The following TRIP12 variants were observed in gnomAD, a reference collection of about 807,000 sequenced individuals.
The protein encoded by TRIP12 is E3 ubiquitin-protein ligase TRIP12.
TRIP12 carries 25 observed loss-of-function variants against 244.2 expected under a neutral mutation model. The observed-to-expected ratio is 0.10, with a 90% CI of 0.07 to 0.14. The LOEUF (loss-of-function observed/expected upper bound fraction) is 0.14. TRIP12 is among the 10% of genes least tolerant of loss of function. The pLI, the probability that TRIP12 is intolerant of heterozygous loss-of-function variation, is 1.00. For synonymous variants in TRIP12, 905 were observed against 873.1 expected (o/e 1.04, Z -0.64); for missense variants, 1,677 against 2,486.4 (o/e 0.67, Z 6.92).
At chr2:229,798,675 C>A (rs575670165) in intron 23 of TRIP12, among the ~76,000 whole-genome samples, 200 bp downstream of exon 23, 1 of 152,194 alleles carries the variant, frequency 6.6e-6, no homozygotes, top group African/African-American at 2.4e-5. Flanking sequence ...AGTTTCAAAG[C>A]ACATGACTGG....
At chr2:229,902,991 C>T (rs963235944) in intron 1 of TRIP12, among the ~76,000 whole-genome samples, 6 of 123,190 alleles carry the variant, frequency 4.9e-5, no homozygotes, top group African/African-American at 9.9e-5. Flanking sequence ...TTACTGTGTG[C>T]GGGTTTTTTT....
intron 4 of TRIP12, among the ~76,000 whole-genome samples, chr2:229,846,148 C>T (rs754493523): frequency 6.6e-6 from 1 of 151,796 alleles, no homozygotes; most frequent in Non-Finnish European, 1.5e-5. Context: ...AGTGATAAAG[C>T]AGCAGCAGCA....
intron 2 of TRIP12, among the ~76,000 whole-genome samples, chr2:229,869,357 A>C (rs2062115302): frequency 6.6e-6 from 1 of 152,232 alleles, no homozygotes; most frequent in Admixed American, 6.5e-5. Flanking sequence ...GCAAATTAAC[A>C]CAATACACGC....
intron 31 of TRIP12, 99 bp from the exon 32 acceptor site, chr2:229,789,039 T>C (rs567946055): frequency 1.3e-5 from 14 of 1,098,970 alleles, no homozygotes; most frequent in South Asian, 4.8e-5. Context: ...CAAAGTACCC[T>C]GAATTCACGT....
chr2:229,805,852 C>A lies in TRIP12; in HGVS notation c.2528G>T (p.Ser843Ile). 1 of 1,595,794 alleles carries A rather than the reference C, an allele frequency of 6.3e-7. No homozygotes were observed. The highest frequency in any genetic ancestry group is 8.6e-7 in the Non-Finnish European group (1 of 1,166,446). Residue 843 changes from serine to isoleucine, a missense_variant, in exon 18 of 42, where the codon AGC (serine) becomes ATC (isoleucine). Transcript: ENST00000675903. ...ATAAACTCGTCCCAGAGTGGACAAG[C>A]TTATCTCATCCTCACCGACCTGATG... Reference protein sequence around the residue: ...AAHQVGEDEISLSTLGRVYTI... With the variant: ...AAHQVGEDEIILSTLGRVYTI...
At chr2:229,816,332 A>T (rs2048491145) in intron 9 of TRIP12, among the ~76,000 whole-genome samples, 1 of 152,002 alleles carries the variant, frequency 6.6e-6, no homozygotes. Flanking sequence ...ACTTAAAAAA[A>T]AAAAAAAAAC....
At chr2:229,768,239 G>C (rs1370449190) in intron 41 of TRIP12, among the ~76,000 whole-genome samples, 1 of 152,196 alleles carries the variant, frequency 6.6e-6, no homozygotes, top group East Asian at 1.9e-4. Context: ...TTCAGCCTGG[G>C]TGACAAGAGT....
At chr2:229,826,469 T>G (rs1320630578) in intron 8 of TRIP12, among the ~76,000 whole-genome samples, 1 of 152,236 alleles carries the variant, frequency 6.6e-6, no homozygotes, top group Non-Finnish European at 1.5e-5. Context: ...CTGTTTTATT[T>G]TTTAAGTGTG....
intron 2 of TRIP12, among the ~76,000 whole-genome samples, chr2:229,869,829 T>C (rs2062215064): frequency 6.6e-6 from 1 of 152,218 alleles, no homozygotes; most frequent in Non-Finnish European, 1.5e-5. Flanking sequence ...TTTAAAGAAC[T>C]ACTAACGAAT....
intron 4 of TRIP12, among the ~76,000 whole-genome samples, chr2:229,851,315 C>T (rs778796463): frequency 3.3e-5 from 5 of 152,070 alleles, no homozygotes; most frequent in East Asian, 1.9e-4. Flanking sequence ...ATGCACCAAT[C>T]GACACTCTCT....
intron 1 of TRIP12, among the ~76,000 whole-genome samples, chr2:229,885,234 CT>C (rs2065769978): frequency 6.6e-6 from 1 of 152,154 alleles, no homozygotes; most frequent in Non-Finnish European, 1.5e-5. Flanking sequence ...ATGTACCCCC[CT>C]AATTTCTTAC....
At chr2:229,842,237 C>A (rs983175104) in intron 4 of TRIP12, among the ~76,000 whole-genome samples, 2 of 152,118 alleles carry the variant, frequency 1.3e-5, no homozygotes, top group African/African-American at 4.8e-5. Flanking sequence ...TCTTAAATTT[C>A]AATCTTATTT....
At chr2:229,834,321 A>T (rs766874334) in intron 6 of TRIP12, among the ~76,000 whole-genome samples, 4 of 152,258 alleles carry the variant, frequency 2.6e-5, no homozygotes, top group Non-Finnish European at 5.9e-5. Context: ...CCGAAACTAT[A>T]AAGCTACCCA....
At chr2:229,814,363 T>G in intron 11 of TRIP12, 38 bp from the exon 12 acceptor site, 2 of 1,590,598 alleles carry the variant, frequency 1.3e-6, no homozygotes, top group Non-Finnish European at 1.7e-6. Flanking sequence ...GGTTATCATT[T>G]AAGTTCTTTC....
Position 229,805,880 on chromosome 2 carries a change from C to A in TRIP12, c.2500G>T (p.Ala834Ser). Residue 834 changes from alanine to serine, a missense_variant, in exon 18 of 42, where the codon GCC (alanine) becomes TCC (serine). Ala to Ser is a moderately conservative substitution (Grantham distance 99). Transcript: ENST00000675903. ...NRIDSRIIEA[A>S]HQVGEDEISL... ...ATCTCATCCTCACCGACCTGATGGGCTGCCTGAGAGCAAAGAGAGAGAAAC... is the reference window on the plus strand; with the variant it reads ...ATCTCATCCTCACCGACCTGATGGGATGCCTGAGAGCAAAGAGAGAGAAAC... 6.4e-7 allele frequency: 1 copy of A among 1,550,668 alleles called. No homozygotes were observed. Among genetic ancestry groups the A allele is most frequent in the South Asian group, 1.2e-5 (1 of 85,238 alleles).
intron 21 of TRIP12, among the ~76,000 whole-genome samples, chr2:229,800,242 G>GT (rs1042495169): frequency 7.2e-5 from 11 of 151,988 alleles, no homozygotes; most frequent in Non-Finnish European, 1.6e-4. Flanking sequence ...ATTTTAGTTG[G>GT]TTTTTTTAAA....
chr2:229,891,107 C>G (rs565167040), intron 1 of TRIP12, among the ~76,000 whole-genome samples: 5 of 152,010 alleles, frequency 3.3e-5, no homozygotes, highest in Non-Finnish European at 1.5e-5. Context: ...TAAGGAGACC[C>G]CATCTCTACA....
chr2:229,879,444 G>A (rs977448149), intron 2 of TRIP12, among the ~76,000 whole-genome samples: 10 of 152,102 alleles, frequency 6.6e-5, no homozygotes, highest in African/African-American at 2.4e-4. Context: ...TACTTCATAT[G>A]TAACTACTCC....
intron 29 of TRIP12, 42 bp downstream of exon 29, chr2:229,791,824 C>T (rs1026198735): frequency 6.3e-7 from 1 of 1,599,268 alleles, no homozygotes; most frequent in African/African-American, 1.3e-5. Context: ...AGAACAGTTT[C>T]AAAGTTTATG....
Sources: gnomAD v4.1 joint callset for allele counts (sites outside exome capture counted in the v4.1 genomes callset) on GRCh38, gnomAD v4.1.1 for gene constraint, MANE v1.5 for transcripts, NCBI Gene and HGNC (gene_info 2026-07-23, HGNC 2026-07-21) for gene names.